TMEM26: variants seen among roughly 807,000 people sequenced by gnomAD.
TMEM26 encodes the protein transmembrane protein 26.
Under a neutral mutation model 28.8 loss-of-function variants are expected in TMEM26, and 38 were observed. The ratio of observed to expected loss-of-function variants is 1.32; its 90% CI spans 1.02 to 1.73. The LOEUF is 1.73. Among genes scored for constraint, TMEM26 ranks in the 40% most tolerant of loss-of-function variants. The pLI is 0.00. For missense variants in TMEM26, 518 were observed against 447.1 expected, an observed-to-expected ratio of 1.16 and a Z score of -1.43; for synonymous variants, 227 against 182.9, an observed-to-expected ratio of 1.24 and a Z score of -1.95.
At chr10:61,435,210 T>A (rs183221905) in intron 2 of TMEM26, among the ~76,000 whole-genome samples, 3 of 152,228 alleles carry the variant, frequency 2.0e-5, no homozygotes, top group African/African-American at 7.2e-5. Context: ...TGGGAGGGAG[T>A]TTCTCTCTGT....
intron 1 of TMEM26, among the ~76,000 whole-genome samples, chr10:61,442,130 C>CA (rs1840105128): frequency 6.6e-6 from 1 of 152,042 alleles, no homozygotes; most frequent in Non-Finnish European, 1.5e-5. Flanking sequence ...TTACTCATTG[C>CA]TTTTGTCAGT....
At chr10:61,452,321 C>T (rs1340546973) in intron 1 of TMEM26, among the ~76,000 whole-genome samples, 2 of 152,240 alleles carry the variant, frequency 1.3e-5, no homozygotes, top group African/African-American at 2.4e-5. Context: ...ACCCAGACAC[C>T]TGAAGCTGGC....
At chr10:61,415,659 A>C (rs1417940475) in intron 4 of TMEM26, among the ~76,000 whole-genome samples, 1 of 152,076 alleles carries the variant, frequency 6.6e-6, no homozygotes, top group Non-Finnish European at 1.5e-5. Flanking sequence ...TGATTTCAGC[A>C]TTTACTCCTT....
At chr10:61,436,093 C>A (rs993299190) in intron 2 of TMEM26, 77 bp downstream of exon 2, 3 of 926,396 alleles carry the variant, frequency 3.2e-6, no homozygotes, top group African/African-American at 1.7e-5. Context: ...AAAGTGCATT[C>A]CGAAAATAAA....
chr10:61,451,981 G>A (rs1356126805), intron 1 of TMEM26, among the ~76,000 whole-genome samples: 4 of 100,940 alleles, frequency 4.0e-5, no homozygotes, highest in East Asian at 2.5e-4. Context: ...TATTTTTAAT[G>A]TATTGATATA....
chr10:61,420,203 T>C lies in TMEM26; in HGVS notation c.606-6668A>G, dbSNP rs115251146. On this transcript the variant is annotated intron_variant, in intron 4 of 5. Coordinates refer to ENST00000399298, the MANE Select transcript of TMEM26 (RefSeq NM_178505.8). ...AGAAAAGAAAATGTTATTTAGAAAA[T>C]CATAAGGAAGAAAAAATGTATTTAC... Among the ~76,000 whole-genome samples the C allele has an allele frequency of 2.4e-3, 372 of 152,146 alleles. 1 individual carries two copies. The highest frequency in any genetic ancestry group is 8.6e-3 in the African/African-American group (359 of 41,512).
intron 4 of TMEM26, among the ~76,000 whole-genome samples, chr10:61,424,552 C>T (rs549711236): frequency 6.6e-6 from 1 of 151,910 alleles, no homozygotes; most frequent in Non-Finnish European, 1.5e-5. Flanking sequence ...AATTTTTTAC[C>T]CTTTTTTACA....
At chr10:61,441,164 T>C (rs1279213601) in intron 1 of TMEM26, among the ~76,000 whole-genome samples, 1 of 152,200 alleles carries the variant, frequency 6.6e-6, no homozygotes, top group Non-Finnish European at 1.5e-5. Flanking sequence ...GCTGACCGTA[T>C]ACTCTCTGCT....
chr10:61,447,711 T>A (rs1032779853), intron 1 of TMEM26, among the ~76,000 whole-genome samples: 1 of 152,136 alleles, frequency 6.6e-6, no homozygotes, highest in African/African-American at 2.4e-5. Context: ...TCAGAAATAT[T>A]TCAAGGCTCA....
intron 1 of TMEM26, among the ~76,000 whole-genome samples, chr10:61,443,174 C>A (rs562166225): frequency 7.9e-5 from 12 of 151,902 alleles, no homozygotes; most frequent in African/African-American, 2.7e-4. Context: ...AAGATCAGGC[C>A]CGGTGCAGTG....
chr10:61,435,978 A>T (rs927939241), intron 2 of TMEM26, among the ~76,000 whole-genome samples, 192 bp downstream of exon 2: 8 of 152,282 alleles, frequency 5.3e-5, no homozygotes, highest in Admixed American at 6.5e-5. Flanking sequence ...ACATAAATGT[A>T]ATTTTTTTAT....
intron 1 of TMEM26, among the ~76,000 whole-genome samples, chr10:61,442,041 G>A (rs1022062984): frequency 1.4e-5 from 2 of 147,002 alleles, no homozygotes; most frequent in South Asian, 2.1e-4. Context: ...CATTTGTTTT[G>A]TTTTATTTGT....
intron 4 of TMEM26, among the ~76,000 whole-genome samples, chr10:61,420,013 C>T (rs577061443): frequency 1.3e-5 from 2 of 152,080 alleles, no homozygotes; most frequent in African/African-American, 2.4e-5. Context: ...GAACTGACCT[C>T]CCCACACACA....
At chr10:61,414,730 C>T (rs1839622666) in intron 4 of TMEM26, 1 of 152,268 alleles carries the variant, frequency 6.6e-6, no homozygotes, top group South Asian at 2.1e-4. Flanking sequence ...TTTAGAAGAA[C>T]ACAGTTATTA....
chr10:61,412,993 A>G, intron 5 of TMEM26: 1 of 1,278,916 alleles, frequency 7.8e-7, no homozygotes, highest in Non-Finnish European at 1.0e-6. Flanking sequence ...GTTCTAATAC[A>G]TGGGTCTGAA....
rs147744903 is a variant in TMEM26 at position 61,411,760 on chromosome 10, G to A, written c.683-1014C>T. Among the ~76,000 whole-genome samples the A allele has an allele frequency of 3.3e-5, 5 of 152,318 alleles. No homozygotes were observed. In the East Asian group the frequency reaches 9.6e-4, roughly 29 times the overall value. ...TAAATTTAATTCAGGGTCAAGGGCA[G>A]AAAATAATCCTTTTATAATAATGAA... On this transcript the variant is annotated intron_variant, in intron 5 of 5. Transcript: ENST00000399298.
rs1433512094 is a variant in TMEM26, at chr10:61,410,508, C to G, written c.921G>C (p.Leu307=). ...TCAACGAAGCACGGACTGCCAATGCCAGCACCACCAAGCGGTAGAGTTGCA... is the reference window on the plus strand; with the variant it reads ...TCAACGAAGCACGGACTGCCAATGCGAGCACCACCAAGCGGTAGAGTTGCA... ...VVLQLYRLVV[L]ALAVRASLRS... The change falls in exon 6 of 6, where the codon CTG becomes CTC. Residue 307 remains leucine (L), a synonymous_variant. Transcript: ENST00000399298. The G allele has an allele frequency of 6.2e-7, 1 of 1,614,016 alleles. No individual in the cohort carries two copies. The highest frequency in any genetic ancestry group is 8.5e-7 in the Non-Finnish European group (1 of 1,180,044).
At chr10:61,452,782 G>C in intron 1 of TMEM26, 109 bp downstream of exon 1, 1 of 1,347,988 alleles carries the variant, frequency 7.4e-7, no homozygotes, top group Non-Finnish European at 1.0e-6. Context: ...GGAAAAACGG[G>C]GTCCAAATTC....
intron 1 of TMEM26, among the ~76,000 whole-genome samples, chr10:61,439,476 T>G (rs1398319220): frequency 6.6e-6 from 1 of 152,172 alleles, no homozygotes; most frequent in African/African-American, 2.4e-5. Flanking sequence ...GCAAATAAAG[T>G]CAATAGAGAC....
Sources: allele counts gnomAD v4.1 joint callset (sites outside exome capture counted in the v4.1 genomes callset), GRCh38; gene constraint gnomAD v4.1.1; transcripts MANE v1.5; gene names NCBI Gene and HGNC (gene_info 2026-07-23, HGNC 2026-07-21).